The following MVK variants were observed in gnomAD, a reference collection of about 807,000 sequenced individuals.
MVK encodes LH receptor mRNA-binding protein.
A neutral mutation model predicts 43.2 loss-of-function variants in MVK; 34 were observed. That is an observed-to-expected ratio of 0.79 (90% CI 0.60 to 1.05). The LOEUF (loss-of-function observed/expected upper bound fraction) is 1.05, where lower values mean the gene tolerates loss of function less well. Ranked by LOEUF, MVK falls within the 50% of genes least tolerant of loss-of-function variation. The pLI, the probability that MVK is intolerant of heterozygous loss-of-function variation, is 0.00. For synonymous variants in MVK, 190 were observed against 219.8 expected (o/e 0.86, Z 1.20); for missense variants, 395 against 504.0 (o/e 0.78, Z 2.07).
chr12:109,573,683 GC>G (rs1204424873), upstream of MVK: 3 of 663,070 alleles, frequency 4.5e-6, no homozygotes, highest in Non-Finnish European at 8.0e-6. Context: ...TGTCGGCTTG[GC>G]TGCAACACCT....
At chr12:109,589,646 T>C (rs928953575) in intron 7 of MVK, 2 of 151,994 alleles carry the variant, frequency 1.3e-5, no homozygotes, top group East Asian at 3.9e-4. Context: ...CATGGGCTTA[T>C]GGGCAGTGAG....
At chr12:109,580,687 A>G (rs957587752) in intron 4 of MVK, among the ~76,000 whole-genome samples, 1 of 152,138 alleles carries the variant, frequency 6.6e-6, no homozygotes, top group African/African-American at 2.4e-5. Flanking sequence ...CAATTTTTCT[A>G]TTTGGGAAAT....
intron 4 of MVK, 137 bp from the exon 5 acceptor site, chr12:109,581,258 T>C (rs1486627057): frequency 9.3e-7 from 1 of 1,072,948 alleles, no homozygotes; most frequent in Non-Finnish European, 1.4e-6. Context: ...AGGGATACAT[T>C]TGGGGTCAGG....
In MVK at chr12:109,590,683, G is replaced by T. The variant is rs1885626710; in HGVS notation, c.678-88G>T. On this transcript the variant is annotated intron_variant, in intron 7 of 10. Coordinates refer to ENST00000228510, the MANE Select transcript of MVK (RefSeq NM_000431.4). ...TGCCTCCCTTCTTCCTCCGTATCAGGGTGGGCGGCTTCCCGGACTGCTCCC... is the reference window on the plus strand; with the variant it reads ...TGCCTCCCTTCTTCCTCCGTATCAGTGTGGGCGGCTTCCCGGACTGCTCCC... 8 of 1,177,896 alleles carry T rather than the reference G, an allele frequency of 6.8e-6. No homozygotes were observed. The East Asian group carries it at 1.9e-4, about 28-fold the overall frequency. 73.0% of individuals were successfully genotyped at this position (1,177,896 alleles called of 1,614,324 possible). A position where few individuals can be genotyped will look rare whatever the true frequency, so the allele number is the denominator to read the frequency against.
chr12:109,586,854 G>T, intron 7 of MVK, 55 bp downstream of exon 7: 2 of 1,604,280 alleles, frequency 1.2e-6, no homozygotes, highest in South Asian at 1.1e-5. Flanking sequence ...TGTGTGCAGG[G>T]GGCAGAGCTC....
At chr12:109,587,513 G>A (rs1157717063) in intron 7 of MVK, among the ~76,000 whole-genome samples, 1 of 152,230 alleles carries the variant, frequency 6.6e-6, no homozygotes, top group East Asian at 1.9e-4. Context: ...AGGGGAGCCA[G>A]GTGCCTTTTT....
chr12:109,587,661 T>TGGCAGGTCCTGGCC (rs1885496975), intron 7 of MVK, among the ~76,000 whole-genome samples: 1 of 152,074 alleles, frequency 6.6e-6, no homozygotes, highest in Non-Finnish European at 1.5e-5. Context: ...CATGGATGAG[T>TGGCAGGTCCTGGCC]GGCAGGTCCT....
chr12:109,580,019 C>T (rs888490411), intron 4 of MVK, 73 bp downstream of exon 4: 5 of 1,598,236 alleles, frequency 3.1e-6, no homozygotes, highest in East Asian at 2.2e-5. Flanking sequence ...TCTGTCATTG[C>T]TGCTGGAGAA....
Position 109,577,696 on chromosome 12 carries a change from T to C in MVK, c.226+1551T>C, listed in dbSNP as rs1885019441. ...CAGGAGTTTTTTGTGATGGTGGTGG[T>C]GGTTTTTTTTAACCAATACAGATGG... On this transcript the variant is annotated intron_variant, in intron 3 of 10. Transcript: ENST00000228510. 5.3e-5 allele frequency among the ~76,000 whole-genome samples: 8 copies of C among 152,210 alleles called. No homozygotes were observed. In the South Asian group the frequency reaches 1.7e-3, roughly 32 times the overall value.
intron 3 of MVK, among the ~76,000 whole-genome samples, chr12:109,577,212 G>T (rs890494195): frequency 6.6e-6 from 1 of 152,168 alleles, no homozygotes; most frequent in African/African-American, 2.4e-5. Flanking sequence ...TCATAAGCAG[G>T]CCAGCTTTTT....
intron 3 of MVK, 89 bp from the exon 4 acceptor site, chr12:109,579,713 G>C: frequency 6.5e-7 from 1 of 1,549,780 alleles, no homozygotes; most frequent in Non-Finnish European, 8.9e-7. Flanking sequence ...TCCAATTCCA[G>C]TGACTAGTCG....
At position 109,594,572 on chromosome 12, in the gene MVK, G is replaced by A. The variant is rs1593030982; in HGVS notation, c.886-456G>A. Among the ~76,000 whole-genome samples the A allele has an allele frequency of 3.3e-5, 5 of 152,210 alleles. No homozygotes were observed. In the South Asian group the frequency reaches 1.0e-3, roughly 32 times the overall value. Reference sequence around the variant, plus strand: ...TGGCTTCAGGTATAGCTCAATCCAGGGGCTGAAACAATGTGTCGGGAATCT... The same window carrying A: ...TGGCTTCAGGTATAGCTCAATCCAGAGGCTGAAACAATGTGTCGGGAATCT... On this transcript the variant is annotated intron_variant, in intron 9 of 10. Coordinates refer to ENST00000228510, the MANE Select transcript of MVK (RefSeq NM_000431.4).
chr12:109,579,830 A>G lies in MVK; in HGVS notation c.255A>G (p.Ser85=). ...AAGGTGATGTCACAACACCCACCTC[A>G]GAGCAAGTGGAGAAGCTAAAGGAGG... ...LEQGDVTTPT[S]EQVEKLKEVA... is the part of the protein sequence containing the mutation. Residue 85 remains serine, a synonymous_variant, in exon 4 of 11, where the codon TCA becomes TCG. Transcript: ENST00000228510. 6.2e-7 allele frequency: 1 copy of G among 1,614,230 alleles called. No individual in the cohort carries two copies. Among genetic ancestry groups the G allele is most frequent in the Non-Finnish European group, 8.5e-7 (1 of 1,180,048 alleles).
Position 109,595,044 on chromosome 12 carries a change from A to G in MVK, c.902A>G (p.Asn301Ser), listed in dbSNP as rs121917789. 3 of 1,614,088 alleles carry G rather than the reference A, an allele frequency of 1.9e-6. No individual in the cohort carries two copies. The African/African-American group carries it at 4.0e-5, about 22-fold the overall frequency. Residue 301 changes from asparagine (N) to serine (S), a missense_variant, in exon 10 of 11, where the codon AAC becomes AGC. Transcript: ENST00000228510. This position sits in a 1 kb window ranked among gnomAD's most constrained non-coding sequence, Gnocchi z 5.9. ...YLVLEELIDM[N>S]QHHLNALGVG... is the part of the protein sequence containing the mutation. ...CTCCCCTAGGAGCTCATTGACATGA[A>G]CCAGCACCATCTGAATGCCCTCGGC... is the stretch of plus-strand genomic sequence containing the variant.
At chr12:109,575,704 T>C (rs1242816017) in intron 2 of MVK, among the ~76,000 whole-genome samples, 1 of 152,210 alleles carries the variant, frequency 6.6e-6, no homozygotes, top group Non-Finnish European at 1.5e-5. Flanking sequence ...TGCTATTCTT[T>C]ATGTTCTTAT....
chr12:109,589,775 C>T (rs950723892), intron 7 of MVK: 7 of 152,390 alleles, frequency 4.6e-5, no homozygotes, highest in Admixed American at 1.3e-4. Context: ...CGGGCCAGAG[C>T]TCATCCAAAT....
intron 5 of MVK, among the ~76,000 whole-genome samples, chr12:109,585,319 T>C (rs1885389509): frequency 6.6e-6 from 1 of 152,198 alleles, no homozygotes; most frequent in Admixed American, 6.5e-5. Flanking sequence ...GTGTGGACGC[T>C]TATGCAGAGG....
intron 5 of MVK, among the ~76,000 whole-genome samples, chr12:109,582,272 G>T (rs1008949670): frequency 6.6e-6 from 1 of 151,606 alleles, no homozygotes; most frequent in African/African-American, 2.4e-5. Flanking sequence ...CCTCTTCCTG[G>T]GCTTGTTTTT....
Position 109,576,060 on chromosome 12 carries a change from G to A in MVK, c.141G>A (p.Gly47=), listed in dbSNP as rs1304671596. The A allele has an allele frequency of 7.4e-6, 12 of 1,614,224 alleles. No individual in the cohort carries two copies. Among genetic ancestry groups the A allele is most frequent in the Non-Finnish European group, 1.0e-5 (12 of 1,180,028 alleles). The change falls in exon 3 of 11, where the codon GGG becomes GGA. Residue 47 remains glycine (G), a synonymous_variant. Coordinates refer to ENST00000228510, the MANE Select transcript of MVK (RefSeq NM_000431.4). ...TCCGGCTTCAACCCCACAGCAATGG[G>A]AAAGTGGACCTCAGCTTACCCAACA... ...TFLRLQPHSN[G]KVDLSLPNIG...
Sources: gnomAD v4.1 joint callset for allele counts (sites outside exome capture counted in the v4.1 genomes callset) on GRCh38, gnomAD v4.1.1 for gene constraint, Gnocchi (gnomAD v3.1) non-coding constraint, MANE v1.5 for transcripts, NCBI Gene and HGNC (gene_info 2026-07-23, HGNC 2026-07-21) for gene names.